Variants in RBFOX1 observed in about 807,000 individuals in gnomAD.
RBFOX1 encodes the protein RNA binding protein fox-1 homolog 1.
Under a neutral mutation model 57.7 loss-of-function variants are expected in RBFOX1, and 8 were observed. The ratio of observed to expected loss-of-function variants is 0.14; its 90% confidence interval spans 0.08 to 0.25. RBFOX1 has a LOEUF of 0.25. RBFOX1 is among the 10% of genes least tolerant of loss of function. RBFOX1 has a pLI of 1.00. For missense variants in RBFOX1, 611 were observed against 548.5 expected, an observed-to-expected ratio of 1.11 and a Z score of -1.14; for synonymous variants, 326 against 222.4, an observed-to-expected ratio of 1.47 and a Z score of -4.15.
intron 3 of RBFOX1, among the ~76,000 whole-genome samples, chr16:5,730,713 CTTA>C (rs1232788488): frequency 2.6e-5 from 4 of 152,088 alleles, no homozygotes; most frequent in Admixed American, 6.5e-5. Flanking sequence ...TCATTACCAG[CTTA>C]TTATTATCAT....
chr16:6,797,807 C>G (rs1199533181), intron 3 of RBFOX1, among the ~76,000 whole-genome samples: 2 of 152,124 alleles, frequency 1.3e-5, no homozygotes, highest in East Asian at 1.9e-4. Flanking sequence ...AGAAGTAACA[C>G]AACATTATGT....
At chr16:7,440,221 T>G (rs1329336141) in intron 4 of RBFOX1, among the ~76,000 whole-genome samples, 5 of 152,178 alleles carry the variant, frequency 3.3e-5, no homozygotes, top group African/African-American at 4.8e-5. Flanking sequence ...TAACATAAAT[T>G]CATGCCACTG....
intron 3 of RBFOX1, among the ~76,000 whole-genome samples, chr16:5,618,965 C>T (rs2048126126): frequency 6.6e-6 from 1 of 152,150 alleles, no homozygotes; most frequent in Non-Finnish European, 1.5e-5. Context: ...GTGCCGGCTC[C>T]TCCCAGCCGG....
chr16:5,818,468 G>A (rs1176575079), intron 3 of RBFOX1, among the ~76,000 whole-genome samples: 1 of 152,194 alleles, frequency 6.6e-6, no homozygotes, highest in Non-Finnish European at 1.5e-5. Context: ...CAGTCAATAA[G>A]TTTTTTGAGC....
intron 2 of RBFOX1, among the ~76,000 whole-genome samples, chr16:5,579,055 C>T (rs951781843): frequency 3.3e-5 from 5 of 151,934 alleles, no homozygotes; most frequent in African/African-American, 9.7e-5. Flanking sequence ...ATTATGTTGG[C>T]CAGGCTGGTC....
At chr16:5,718,280 A>G (rs1054562483) in intron 3 of RBFOX1, among the ~76,000 whole-genome samples, 11 of 152,342 alleles carry the variant, frequency 7.2e-5, no homozygotes, top group South Asian at 2.1e-4. Flanking sequence ...CATGAACCCA[A>G]TGTGCAGTGA....
At chr16:6,006,070 G>A (rs944075038) in intron 4 of RBFOX1, among the ~76,000 whole-genome samples, 5 of 152,218 alleles carry the variant, frequency 3.3e-5, no homozygotes, top group Non-Finnish European at 5.9e-5. Context: ...AGGTTGAGAG[G>A]CAATGAGGTT....
intron 1 of RBFOX1, among the ~76,000 whole-genome samples, chr16:5,257,570 C>T (rs1319917247): frequency 6.6e-6 from 1 of 152,200 alleles, no homozygotes; most frequent in Middle Eastern, 3.2e-3. Flanking sequence ...AGGTGATTCT[C>T]ATGCAGCCAG....
chr16:5,599,554 G>A (rs1332545748), exon 3 of RBFOX1: 1 of 321,552 alleles, frequency 3.1e-6, no homozygotes, highest in African/African-American at 2.1e-5. Context: ...ATCATGGTGT[G>A]GTGCATTCCC....
intron 2 of RBFOX1, among the ~76,000 whole-genome samples, chr16:6,539,028 G>C (rs1343393047): frequency 6.6e-6 from 1 of 151,832 alleles, no homozygotes; most frequent in Non-Finnish European, 1.5e-5. Context: ...CATGTGGAGT[G>C]TCCTATATGA....
At chr16:6,418,044 T>A (rs2093673938) in intron 2 of RBFOX1, among the ~76,000 whole-genome samples, 1 of 152,174 alleles carries the variant, frequency 6.6e-6, no homozygotes, top group African/African-American at 2.4e-5. Context: ...TTCAAACAAG[T>A]TATACTGAAC....
At chr16:6,809,354 AGTGCCAGCCACT>A (rs2154264911) in intron 3 of RBFOX1, among the ~76,000 whole-genome samples, 1 of 152,292 alleles carries the variant, frequency 6.6e-6, no homozygotes, top group South Asian at 2.1e-4. Context: ...ATTGCCTCTA[AGTGCCAGCCACT>A]GTGCCAGACA....
At chr16:7,130,948 G>C (rs887730830) in intron 4 of RBFOX1, among the ~76,000 whole-genome samples, 2 of 152,168 alleles carry the variant, frequency 1.3e-5, no homozygotes, top group African/African-American at 2.4e-5. Context: ...TAGAGAAGGT[G>C]CACCACCTAT....
At chr16:7,378,505 T>C (rs570535693) in intron 4 of RBFOX1, among the ~76,000 whole-genome samples, 26 of 152,048 alleles carry the variant, frequency 1.7e-4, no homozygotes, top group African/African-American at 6.1e-4. Flanking sequence ...ATTTCTGTCT[T>C]GGGTGATTTC....
At chr16:6,242,449 A>C (rs1468925033) in intron 1 of RBFOX1, among the ~76,000 whole-genome samples, 2 of 151,716 alleles carry the variant, frequency 1.3e-5, no homozygotes, top group Non-Finnish European at 2.9e-5. Context: ...GGCTGGTCTC[A>C]AACTCCTGGC....
intron 1 of RBFOX1, among the ~76,000 whole-genome samples, chr16:5,334,802 T>A (rs1049930266): frequency 1.3e-5 from 2 of 151,540 alleles, no homozygotes; most frequent in African/African-American, 4.8e-5. Context: ...TCCTTAAGCT[T>A]AAAGTTGGAC....
At chr16:5,991,470 T>C (rs1338742430) in intron 4 of RBFOX1, among the ~76,000 whole-genome samples, 1 of 152,130 alleles carries the variant, frequency 6.6e-6, no homozygotes, top group Non-Finnish European at 1.5e-5. Flanking sequence ...GCCTCTAGTT[T>C]GTTTGGATTA....
At chr16:5,994,334 G>C (rs142613433) in intron 4 of RBFOX1, among the ~76,000 whole-genome samples, 1,715 of 152,232 alleles carry the variant, frequency 0.011, 21 homozygotes, top group Non-Finnish European at 0.016. Context: ...GCTAATATTT[G>C]TATTTTTAGT....
At chr16:6,707,478 GTT>G (rs61418784) in intron 3 of RBFOX1, among the ~76,000 whole-genome samples, 11 of 128,270 alleles carry the variant, frequency 8.6e-5, no homozygotes, top group Non-Finnish European at 8.1e-5. Flanking sequence ...TCCCATTTTT[GTT>G]TTTTTTTTTT....
Sources: gnomAD v4.1 joint callset for allele counts (sites outside exome capture counted in the v4.1 genomes callset) on GRCh38, gnomAD v4.1.1 for gene constraint, MANE v1.5 for transcripts, NCBI Gene and HGNC (gene_info 2026-07-23, HGNC 2026-07-21) for gene names.